MPP7: variants seen among roughly 807,000 people sequenced by gnomAD.
The protein encoded by MPP7 is MAGUK p55 subfamily member 7.
In MPP7, 60 loss-of-function variants were observed where a neutral mutation model predicts 76.5. The ratio of observed to expected loss-of-function variants is 0.78; its 90% CI spans 0.64 to 0.97. The LOEUF is 0.97. Among genes scored for constraint, MPP7 ranks in the 50% least tolerant of loss-of-function variants. MPP7 has a pLI of 0.00. For synonymous variants in MPP7, 237 were observed against 244.5 expected (o/e 0.97, Z 0.29); for missense variants, 641 against 694.0 (o/e 0.92, Z 0.86).
chr10:28,270,052 A>T (rs1840271549), intron 1 of MPP7, among the ~76,000 whole-genome samples: 1 of 152,154 alleles, frequency 6.6e-6, no homozygotes, highest in Admixed American at 6.5e-5. Flanking sequence ...GTATCCCCAA[A>T]CCACAGGATT....
At chr10:28,072,260 C>T (rs1026889591) in intron 12 of MPP7, among the ~76,000 whole-genome samples, 6 of 152,124 alleles carry the variant, frequency 3.9e-5, no homozygotes, top group Admixed American at 2.0e-4. Context: ...GGCGACAGAG[C>T]GAGACTCTGT....
chr10:28,161,097 A>G (rs1836244117), intron 3 of MPP7, among the ~76,000 whole-genome samples: 1 of 152,202 alleles, frequency 6.6e-6, no homozygotes, highest in Admixed American at 6.5e-5. Flanking sequence ...AAGCTCTGGC[A>G]TTGGCCCAGT....
intron 2 of MPP7, among the ~76,000 whole-genome samples, chr10:28,205,954 G>A (rs749603397): frequency 4.6e-5 from 7 of 152,138 alleles, no homozygotes; most frequent in African/African-American, 7.2e-5. Flanking sequence ...TTATATGAAG[G>A]TGAGTCAGTC....
At chr10:28,230,802 C>A (rs1422216223) in intron 2 of MPP7, among the ~76,000 whole-genome samples, 1 of 151,950 alleles carries the variant, frequency 6.6e-6, no homozygotes, top group South Asian at 2.1e-4. Flanking sequence ...GGAGACAGAG[C>A]GAGAATCCAT....
chr10:28,109,149 G>A (rs1018274010), intron 11 of MPP7, among the ~76,000 whole-genome samples: 84 of 152,192 alleles, frequency 5.5e-4, no homozygotes, highest in South Asian at 2.1e-4. Flanking sequence ...TAAGCCAGGC[G>A]TGGTGGTGGG....
chr10:28,056,137 G>A (rs1851545780), intron 16 of MPP7, among the ~76,000 whole-genome samples: 1 of 152,096 alleles, frequency 6.6e-6, no homozygotes, highest in African/African-American at 2.4e-5. Flanking sequence ...GTGTAGTGGT[G>A]TGATCTCAGC....
At chr10:28,060,604 A>G (rs1449584072) in intron 13 of MPP7, among the ~76,000 whole-genome samples, 2 of 152,246 alleles carry the variant, frequency 1.3e-5, no homozygotes, top group African/African-American at 4.8e-5. Flanking sequence ...AATCCTTCGC[A>G]GAGCAGCATG....
upstream of MPP7, among the ~76,000 whole-genome samples, chr10:28,335,196 C>T (rs935154766): frequency 7.9e-5 from 12 of 152,204 alleles, no homozygotes; most frequent in African/African-American, 2.7e-4. Context: ...GGGAGTAATC[C>T]CAGGGACAGA....
At chr10:28,281,626 A>G (rs1399617750) in intron 1 of MPP7, among the ~76,000 whole-genome samples, 1 of 152,100 alleles carries the variant, frequency 6.6e-6, no homozygotes, top group Non-Finnish European at 1.5e-5. Flanking sequence ...TTAATTAATA[A>G]TAGCAATTAG....
intron 2 of MPP7, among the ~76,000 whole-genome samples, chr10:28,221,403 C>T (rs1838501249): frequency 6.6e-6 from 1 of 152,092 alleles, no homozygotes; most frequent in Non-Finnish European, 1.5e-5. Flanking sequence ...AACTTCCTGA[C>T]ACATAATGAA....
intron 12 of MPP7, 32 bp downstream of exon 12, chr10:28,089,639 C>G: frequency 6.3e-7 from 1 of 1,590,350 alleles, no homozygotes; most frequent in Non-Finnish European, 8.6e-7. Flanking sequence ...TCACTCATTT[C>G]CTCAGAATTA....
intron 3 of MPP7, among the ~76,000 whole-genome samples, chr10:28,169,297 C>G (rs986308971): frequency 1.4e-5 from 2 of 146,630 alleles, no homozygotes; most frequent in East Asian, 3.9e-4. Flanking sequence ...TCAGGACCAG[C>G]CTGAGCAACA....
intron 11 of MPP7, among the ~76,000 whole-genome samples, chr10:28,106,385 G>A (rs1834326610): frequency 6.6e-6 from 1 of 152,140 alleles, no homozygotes; most frequent in Non-Finnish European, 1.5e-5. Flanking sequence ...AGGTAGTCCT[G>A]CTTTTGTTTA....
chr10:28,144,393 G>A (rs898595747), intron 5 of MPP7, among the ~76,000 whole-genome samples: 5 of 152,134 alleles, frequency 3.3e-5, no homozygotes, highest in Admixed American at 1.3e-4. Flanking sequence ...ATGAAAGTGG[G>A]AGAAAGGCTA....
intron 3 of MPP7, among the ~76,000 whole-genome samples, chr10:28,177,425 T>C (rs575926051): frequency 1.5e-5 from 2 of 137,606 alleles, no homozygotes; most frequent in African/African-American, 5.8e-5. Context: ...AAAAAAAGAG[T>C]TCTTACTGAT....
chr10:28,217,526 C>CAAAAAAAAAAA (rs773506497), intron 2 of MPP7, among the ~76,000 whole-genome samples: 1 of 58,954 alleles, frequency 1.7e-5, no homozygotes, highest in Non-Finnish European at 3.7e-5. Context: ...GACTCTGTCT[C>CAAAAAAAAAAA]AAAAAAAAAA....
In MPP7 at chr10:28,058,573, G is replaced by A. The variant is rs372375735; in HGVS notation, c.1329C>T (p.Asn443=). Residue 443 remains asparagine (N), a synonymous_variant, in exon 15 of 17, where the codon AAC becomes AAT. Transcript: ENST00000683449. Reference sequence around the variant, plus strand: ...CTGAGTCTATACTTGTGCCGTAGTAGTTGTTTTTATATTCTCCATATTCAA... The same window carrying A: ...CTGAGTCTATACTTGTGCCGTAGTAATTGTTTTTATATTCTCCATATTCAA... ...KFIEYGEYKN[N]YYGTSIDSVR... 2 of 1,599,516 alleles carry A rather than the reference G, an allele frequency of 1.3e-6. No individual in the cohort carries two copies. The highest frequency in any genetic ancestry group is 2.7e-5 in the African/African-American group (2 of 74,382).
chr10:28,276,420 C>T (rs1342680439), intron 1 of MPP7, among the ~76,000 whole-genome samples: 1 of 152,032 alleles, frequency 6.6e-6, no homozygotes, highest in Non-Finnish European at 1.5e-5. Context: ...GGTTAGGCTA[C>T]CAAAGTAATC....
At chr10:28,055,087 A>G (rs1235435989) in intron 16 of MPP7, among the ~76,000 whole-genome samples, 1 of 152,238 alleles carries the variant, frequency 6.6e-6, no homozygotes, top group Non-Finnish European at 1.5e-5. Flanking sequence ...TAAATGTAAG[A>G]GAGCCAAATC....
Sources: allele counts gnomAD v4.1 joint callset (sites outside exome capture counted in the v4.1 genomes callset), GRCh38; gene constraint gnomAD v4.1.1; transcripts MANE v1.5; gene names NCBI Gene and HGNC (gene_info 2026-07-23, HGNC 2026-07-21).